The following DHRSX variants were observed in gnomAD, a reference collection of about 807,000 sequenced individuals.
The protein encoded by DHRSX is dehydrogenase/reductase X-linked.
In DHRSX, 31 loss-of-function variants were observed where a neutral mutation model predicts 34.0. The ratio of observed to expected loss-of-function variants is 0.91; its 90% CI spans 0.69 to 1.23. The LOEUF is 1.23. DHRSX is among the 50% of genes most tolerant of loss of function. DHRSX has a pLI of 0.00. For synonymous variants in DHRSX, 201 were observed against 183.8 expected, an observed-to-expected ratio of 1.09 and a Z score of -0.76; for missense variants, 414 against 428.1, an observed-to-expected ratio of 0.97 and a Z score of 0.29.
intron 4 of DHRSX, among the ~76,000 whole-genome samples, chrX:2,273,844 C>T (rs1314669464): frequency 1.3e-5 from 2 of 152,144 alleles, no homozygotes; most frequent in African/African-American, 4.8e-5. Context: ...GCAGAGGGGA[C>T]AGTGCTTCTG....
At chrX:2,396,720 G>A (rs1213079090) in intron 3 of DHRSX, among the ~76,000 whole-genome samples, 12 of 149,758 alleles carry the variant, frequency 8.0e-5, no homozygotes, top group Non-Finnish European at 1.8e-4. Context: ...GTTGATGGCC[G>A]CATCACTCCA....
chrX:2,330,174 G>C (rs913256161), intron 3 of DHRSX, among the ~76,000 whole-genome samples: 1 of 144,774 alleles, frequency 6.9e-6, no homozygotes, highest in Non-Finnish European at 1.5e-5. Context: ...GGAGGTGAAA[G>C]AGGAGGAGGA....
chrX:2,318,935 T>C (rs2124528994), intron 3 of DHRSX, among the ~76,000 whole-genome samples: 1 of 152,230 alleles, frequency 6.6e-6, no homozygotes, highest in African/African-American at 2.4e-5. Context: ...CGCCTCATGT[T>C]TTCTATAATA....
intron 4 of DHRSX, among the ~76,000 whole-genome samples, chrX:2,275,615 C>A (rs2041618696): frequency 6.6e-6 from 1 of 151,770 alleles, no homozygotes; most frequent in African/African-American, 2.4e-5. Context: ...ATCTGCACCC[C>A]TAAGCCCTTT....
intron 3 of DHRSX, among the ~76,000 whole-genome samples, chrX:2,371,784 A>G (rs2043076000): frequency 6.6e-6 from 1 of 151,728 alleles, no homozygotes; most frequent in Non-Finnish European, 1.5e-5. Context: ...TCTTATTGCA[A>G]AAGCTCCCAT....
chrX:2,446,997 G>A (rs1435249360), intron 1 of DHRSX, among the ~76,000 whole-genome samples: 1 of 151,482 alleles, frequency 6.6e-6, no homozygotes, highest in Non-Finnish European at 1.5e-5. Context: ...GGACGGCACT[G>A]AAGACATTCC....
chrX:2,445,886 A>C (rs1423627141), intron 1 of DHRSX, among the ~76,000 whole-genome samples: 1 of 151,538 alleles, frequency 6.6e-6, no homozygotes, highest in East Asian at 2.0e-4. Context: ...CGCCATGTAC[A>C]CACTGAAGAT....
intron 6 of DHRSX, among the ~76,000 whole-genome samples, chrX:2,225,600 G>A (rs1332301509): frequency 6.6e-6 from 1 of 151,944 alleles, no homozygotes; most frequent in African/African-American, 2.4e-5. Context: ...CTCCAGGACT[G>A]TGGGAGAATC....
chrX:2,308,981 CTG>C lies in DHRSX; in HGVS notation c.287-17380_287-17379del, dbSNP rs201709213. 1.5e-3 allele frequency among the ~76,000 whole-genome samples: 230 copies of C among 152,140 alleles called. 4 individuals are homozygous for C. In the East Asian group the frequency reaches 0.037, roughly 24 times the overall value. On this transcript the variant is annotated intron_variant, in intron 3 of 6. Transcript: ENST00000334651. ...AATGCAAACTTACAAATAGGAAACA[CTG>C]TACTGTATGAAAAAAGCTTTAAAAT...
At chrX:2,499,863 A>G (rs962884225) in intron 1 of DHRSX, among the ~76,000 whole-genome samples, 1 of 152,074 alleles carries the variant, frequency 6.6e-6, no homozygotes, top group Non-Finnish European at 1.5e-5. Context: ...TGAGCAACAT[A>G]GCAAGACCCC....
chrX:2,380,552 C>T (rs1428975308), intron 3 of DHRSX, among the ~76,000 whole-genome samples: 6 of 151,982 alleles, frequency 3.9e-5, no homozygotes, highest in Non-Finnish European at 7.4e-5. Flanking sequence ...GCTCTGTGTC[C>T]CCATCCAAAT....
At position 2,408,791 on chromosome X, in the gene DHRSX, G is replaced by A; in HGVS notation, c.240C>T (p.Ala80=). The A allele has an allele frequency of 6.2e-7, 1 of 1,612,638 alleles. No homozygotes were observed. The highest frequency in any genetic ancestry group is 8.5e-7 in the Non-Finnish European group (1 of 1,179,534). Residue 80 remains alanine, a synonymous_variant, in exon 3 of 7, where the codon GCC becomes GCT. Transcript: ENST00000334651. ...VIIAGNNDSK[A]KQVVSKIKEE... Reference sequence around the variant, plus strand: ...CTTTTATTTTGCTTACAACTTGTTTGGCTTTGCTGTCATTATTTCCAGCTA... The same window carrying A: ...CTTTTATTTTGCTTACAACTTGTTTAGCTTTGCTGTCATTATTTCCAGCTA...
chrX:2,285,800 C>G (rs73628277), intron 4 of DHRSX, among the ~76,000 whole-genome samples: 5,149 of 152,150 alleles, frequency 0.034, 297 homozygotes, highest in African/African-American at 0.12. Context: ...CTCATTTGCA[C>G]ACAACGAAGA....
chrX:2,222,877 G>A (rs2124390667), intron 6 of DHRSX, among the ~76,000 whole-genome samples: 1 of 152,316 alleles, frequency 6.6e-6, no homozygotes, highest in Non-Finnish European at 1.5e-5. Context: ...ACAATCCAGT[G>A]TGCCCACCAG....
At chrX:2,330,158 G>GGAGGAGGAGGAGAAA (rs2042445862) in intron 3 of DHRSX, among the ~76,000 whole-genome samples, 6 of 134,286 alleles carry the variant, frequency 4.5e-5, no homozygotes, top group South Asian at 2.7e-4. Flanking sequence ...GAGAAAGGAA[G>GGAGGAGGAGGAGAAA]GAGGAGGAGG....
chrX:2,271,415 G>A (rs1319550697), intron 4 of DHRSX, among the ~76,000 whole-genome samples: 1 of 152,228 alleles, frequency 6.6e-6, no homozygotes, highest in Non-Finnish European at 1.5e-5. Flanking sequence ...GTGGCCTGCT[G>A]AAATCCTCAG....
intron 4 of DHRSX, among the ~76,000 whole-genome samples, chrX:2,285,761 G>A (rs995665140): frequency 6.6e-6 from 1 of 152,166 alleles, no homozygotes; most frequent in African/African-American, 2.4e-5. Context: ...GTTGACACCA[G>A]CAATATCCCA....
In DHRSX at chrX:2,243,233, G is replaced by A. The variant is rs1415025144; in HGVS notation, c.597-3C>T. 2.5e-6 allele frequency: 4 copies of A among 1,612,860 alleles called. No individual in the cohort carries two copies. ...CTGCGTGGGGTGAGTAGCAGGCACT[G>A]TGGGGCAAGCAGGAGAAGGTGTAAG... On this transcript the variant is annotated splice_region_variant and splice_polypyrimidine_tract_variant and intron_variant, in intron 5 of 6. Transcript: ENST00000334651.
chrX:2,250,953 G>C (rs1459398722), intron 5 of DHRSX, among the ~76,000 whole-genome samples: 1 of 152,116 alleles, frequency 6.6e-6, no homozygotes, highest in African/African-American at 2.4e-5. Context: ...CACAGAGCTT[G>C]GAAAGCTCGT....
Sources: allele counts gnomAD v4.1 joint callset (sites outside exome capture counted in the v4.1 genomes callset), GRCh38; gene constraint gnomAD v4.1.1; transcripts MANE v1.5; gene names NCBI Gene and HGNC (gene_info 2026-07-23, HGNC 2026-07-21).